PGBD5: variants seen among roughly 807,000 people sequenced by gnomAD.
PGBD5 encodes the protein piggyBac transposable element-derived protein 5.
Under a neutral mutation model 47.9 loss-of-function variants are expected in PGBD5, and 14 were observed. That is an observed-to-expected ratio of 0.29 (90% CI 0.19 to 0.46). PGBD5 has a LOEUF of 0.46. Ranked by LOEUF, PGBD5 falls within the 20% of genes least tolerant of loss-of-function variation. The pLI is 1.00. For synonymous variants in PGBD5, 316 were observed against 306.3 expected (o/e 1.03, Z -0.33); for missense variants, 635 against 716.0 (o/e 0.89, Z 1.29).
intron 4 of PGBD5, among the ~76,000 whole-genome samples, chr1:230,335,093 A>G (rs551743714): frequency 3.1e-4 from 47 of 151,552 alleles, no homozygotes; most frequent in African/African-American, 9.0e-4. Context: ...ACACAGGTAC[A>G]CACACAGACA....
rs1354280107 is a variant in PGBD5 at position 230,325,411 on chromosome 1, G to GACT, written c.1275_1277dup (p.Val426dup). On this transcript the variant is annotated inframe_insertion, in exon 6 of 7. Transcript: ENST00000391860. ...TCTCCCCACTCTTCCTTTTGATGAT[G>GACT]ACTCCTGAAGGCGAGAGACAAGATA... The GACT allele has an allele frequency of 6.2e-7, 1 of 1,612,176 alleles. No individual in the cohort carries two copies. The highest frequency in any genetic ancestry group is 1.3e-5 in the African/African-American group (1 of 75,014).
At chr1:230,391,214 A>C (rs928119433) in intron 1 of PGBD5, among the ~76,000 whole-genome samples, 2 of 152,150 alleles carry the variant, frequency 1.3e-5, no homozygotes, top group Non-Finnish European at 2.9e-5. Flanking sequence ...ATCTGGAACA[A>C]AGCAGATGGG....
intron 1 of PGBD5, among the ~76,000 whole-genome samples, chr1:230,422,920 G>A (rs1253748976): frequency 6.6e-6 from 1 of 151,830 alleles, no homozygotes; most frequent in Non-Finnish European, 1.5e-5. Flanking sequence ...GTGGGGGGAT[G>A]TGGCAACTCC....
chr1:230,418,289 G>A (rs1164634675), intron 1 of PGBD5, among the ~76,000 whole-genome samples: 1 of 152,178 alleles, frequency 6.6e-6, no homozygotes, highest in Non-Finnish European at 1.5e-5. Context: ...AAAGTCTACC[G>A]ATAGGACACC....
chr1:230,353,583 G>A (rs6679639), intron 2 of PGBD5, among the ~76,000 whole-genome samples: 14,776 of 152,108 alleles, frequency 0.097, 2,257 homozygotes, highest in African/African-American at 0.32. Context: ...AGTGTGTGAG[G>A]TGAGTGTGCT....
At chr1:230,395,291 T>A in intron 1 of PGBD5, among the ~76,000 whole-genome samples, 1 of 32,088 alleles carries the variant, frequency 3.1e-5, no homozygotes, top group African/African-American at 1.5e-4. Flanking sequence ...TGAGCTCCTC[T>A]CTCATTCCCA....
intron 2 of PGBD5, among the ~76,000 whole-genome samples, chr1:230,353,232 A>G (rs975248035): frequency 1.2e-4 from 18 of 152,304 alleles, no homozygotes; most frequent in Middle Eastern, 6.8e-3. Flanking sequence ...TCTCTGTTAC[A>G]TGACTGTATC....
chr1:230,379,878 G>A (rs923612219), intron 1 of PGBD5, among the ~76,000 whole-genome samples: 1 of 152,212 alleles, frequency 6.6e-6, no homozygotes, highest in Non-Finnish European at 1.5e-5. Flanking sequence ...CCATTTTACA[G>A]ATGAAGAAAA....
Position 230,365,723 on chromosome 1 carries a change from C to T in PGBD5, c.332-8402G>A, listed in dbSNP as rs1187224135. Among the ~76,000 whole-genome samples the T allele has an allele frequency of 3.3e-5, 5 of 152,202 alleles. No individual in the cohort carries two copies. In the East Asian group the frequency reaches 5.8e-4, roughly 18 times the overall value. ...GGTGAGCACTACACTGCCACACGCT[C>T]GGCTCGAGGGCCCTCCAGTCAAAAT... On this transcript the variant is annotated intron_variant, in intron 1 of 6. Coordinates refer to ENST00000391860, the MANE Select transcript of PGBD5 (RefSeq NM_001258311.2).
Position 230,399,746 on chromosome 1 carries a change from C to T in PGBD5, c.331+25852G>A, listed in dbSNP as rs1463685959. 2.0e-5 allele frequency among the ~76,000 whole-genome samples: 3 copies of T among 152,296 alleles called. No homozygotes were observed. The East Asian group carries it at 5.8e-4, about 29-fold the overall frequency. On this transcript the variant is annotated intron_variant, in intron 1 of 6. Transcript: ENST00000391860. Reference sequence around the variant, plus strand: ...TGCTGAGGGCACATGATACTCAATCCAAACTCACAAAATGACGCCTATTTC... The same window carrying T: ...TGCTGAGGGCACATGATACTCAATCTAAACTCACAAAATGACGCCTATTTC...
Position 230,328,937 on chromosome 1 carries a change from AT to A in PGBD5, c.1274-3523del, listed in dbSNP as rs201709475. On this transcript the variant is annotated intron_variant, in intron 5 of 6. Coordinates refer to ENST00000391860, the MANE Select transcript of PGBD5 (RefSeq NM_001258311.2). ...CCCTTGACATGTGACAGCATTTAAC[AT>A]TTTTTTTTTTTCTTGAGACAGTCTC... 7.8e-3 allele frequency among the ~76,000 whole-genome samples: 1,140 copies of A among 146,816 alleles called. 6 individuals carry two copies. Among genetic ancestry groups the A allele is most frequent in the East Asian group, 0.021 (107 of 5,038 alleles).
chr1:230,340,707 T>C (rs1453027055), intron 3 of PGBD5, among the ~76,000 whole-genome samples: 1 of 152,076 alleles, frequency 6.6e-6, no homozygotes, highest in Non-Finnish European at 1.5e-5. Flanking sequence ...ATTCATCATC[T>C]CCATGCCTGG....
chr1:230,423,320 A>T (rs1184892738), intron 1 of PGBD5, among the ~76,000 whole-genome samples: 1 of 152,166 alleles, frequency 6.6e-6, no homozygotes, highest in African/African-American at 2.4e-5. Flanking sequence ...CTACCCATGC[A>T]GTGAGATTTG....
At chr1:230,416,103 T>C (rs1182749140) in intron 1 of PGBD5, among the ~76,000 whole-genome samples, 1 of 152,226 alleles carries the variant, frequency 6.6e-6, no homozygotes, top group African/African-American at 2.4e-5. Flanking sequence ...AAATTCCTCA[T>C]AGATTCCTGC....
intron 1 of PGBD5, among the ~76,000 whole-genome samples, chr1:230,370,197 G>A (rs1459730821): frequency 6.6e-6 from 1 of 152,218 alleles, no homozygotes; most frequent in African/African-American, 2.4e-5. Context: ...AGACAGGGCA[G>A]GGCGCTACCT....
chr1:230,335,744 A>ACACAGAC (rs1667305276), intron 4 of PGBD5, among the ~76,000 whole-genome samples: 3 of 20,798 alleles, frequency 1.4e-4, no homozygotes, highest in Admixed American at 6.2e-4. Context: ...GACTTACACA[A>ACACAGAC]AGACACACAC....
intron 1 of PGBD5, among the ~76,000 whole-genome samples, chr1:230,417,011 T>C (rs11122510): frequency 0.42 from 63,229 of 152,044 alleles, 14,046 homozygotes; most frequent in Admixed American, 0.54. Flanking sequence ...GAAGGATTTG[T>C]AGTTCTAAAC....
In PGBD5 at chr1:230,314,984, GA is replaced by G. The variant is rs1188443889; in HGVS notation, c.*8440del. ...GTGTGAATCTCCATTTGAGGAAGGG[GA>G]AGAAGAGCTTGGAGGGTGACAGCCT... On this transcript the variant is annotated 3_prime_UTR_variant, in exon 7 of 7. Transcript: ENST00000391860. 6.6e-6 allele frequency: 1 copy of G among 152,268 alleles called. No individual in the cohort carries two copies. Among genetic ancestry groups the G allele is most frequent in the African/African-American group, 2.4e-5 (1 of 41,546 alleles). The allele number at this position is 152,268 out of a possible 1,614,324, so 9.4% of individuals were successfully genotyped here.
chr1:230,377,592 G>A lies in PGBD5; in HGVS notation c.332-20271C>T, dbSNP rs764533548. On this transcript the variant is annotated intron_variant, in intron 1 of 6. Transcript: ENST00000391860. ...CAGAGTCCCCGAGAGTACTTTGCAC[G>A]AAGAGAGCTCGAGTTCTGTAGTCAG... 3.5e-5 allele frequency: 55 copies of A among 1,583,584 alleles called. 1 individual carries two copies. The South Asian group carries it at 4.5e-4, about 13-fold the overall frequency.
Sources: allele counts gnomAD v4.1 joint callset (sites outside exome capture counted in the v4.1 genomes callset), GRCh38; gene constraint gnomAD v4.1.1; transcripts MANE v1.5; gene names NCBI Gene and HGNC (gene_info 2026-07-23, HGNC 2026-07-21).